DSCAML1: variants seen among roughly 807,000 people sequenced by gnomAD.
DSCAML1 encodes DS cell adhesion molecule like 1.
A neutral mutation model predicts 200.5 loss-of-function variants in DSCAML1; 38 were observed. That is an observed-to-expected ratio of 0.19 (90% confidence interval 0.15 to 0.25). The LOEUF (loss-of-function observed/expected upper bound fraction) is 0.25, where lower values mean the gene tolerates loss of function less well. Ranked by LOEUF, DSCAML1 falls within the 10% of genes least tolerant of loss-of-function variation. DSCAML1 has a pLI of 1.00. For missense variants in DSCAML1, 2,223 were observed against 2,858.8 expected (o/e 0.78, Z 5.07); for synonymous variants, 1,215 against 1,165.0 (o/e 1.04, Z -0.87).
intron 20 of DSCAML1, among the ~76,000 whole-genome samples, chr11:117,446,556 A>G (rs955622164): frequency 1.1e-4 from 16 of 152,380 alleles, no homozygotes; most frequent in African/African-American, 3.8e-4. Context: ...CAATTACCCA[A>G]AGAAGAAAAA....
rs1299342954 is a variant in DSCAML1, at chr11:117,449,113, A to T, written c.3708+1436T>A. On this transcript the variant is annotated intron_variant, in intron 20 of 32. Coordinates refer to ENST00000651296, the MANE Select transcript of DSCAML1 (RefSeq NM_020693.4). Reference sequence around the variant, plus strand: ...AATAATGTTGGGTAAAAGAAGCTGGACAAATGGTATGATTCCATTTACACA... The same window carrying T: ...AATAATGTTGGGTAAAAGAAGCTGGTCAAATGGTATGATTCCATTTACACA... Among the ~76,000 whole-genome samples the T allele has an allele frequency of 2.0e-5, 3 of 152,250 alleles. No individual in the cohort carries two copies. In the East Asian group the frequency reaches 5.8e-4, roughly 29 times the overall value.
rs576409283 is a variant in DSCAML1 at position 117,488,920 on chromosome 11, G to A, written c.2360-6758C>T. On this transcript the variant is annotated intron_variant, in intron 11 of 32. Coordinates refer to ENST00000651296, the MANE Select transcript of DSCAML1 (RefSeq NM_020693.4). ...CCTGTGTCTCAGTGTATTTCTTGACGAAGCTCCATGGCCTCCCGCATGCCC... is the reference window on the plus strand; with the variant it reads ...CCTGTGTCTCAGTGTATTTCTTGACAAAGCTCCATGGCCTCCCGCATGCCC... Among the ~76,000 whole-genome samples, 10 of 152,336 alleles carry A rather than the reference G, an allele frequency of 6.6e-5. No homozygotes were observed. The South Asian group carries it at 1.9e-3, about 28-fold the overall frequency.
At chr11:117,717,519 T>C (rs2137785549) in intron 3 of DSCAML1, among the ~76,000 whole-genome samples, 1 of 152,318 alleles carries the variant, frequency 6.6e-6, no homozygotes, top group Admixed American at 6.5e-5. Context: ...ATTGTGAGGC[T>C]CTTTGGGAGC....
chr11:117,673,916 C>T (rs901305683), intron 3 of DSCAML1, among the ~76,000 whole-genome samples: 2 of 152,242 alleles, frequency 1.3e-5, no homozygotes, highest in East Asian at 3.8e-4. Context: ...TCTGTGCACA[C>T]GTGCAGGCTG....
chr11:117,789,822 A>T (rs969870213), intron 1 of DSCAML1, among the ~76,000 whole-genome samples: 2 of 152,148 alleles, frequency 1.3e-5, no homozygotes, highest in Non-Finnish European at 2.9e-5. Context: ...CATTCTAAGG[A>T]TGAGCTCTGT....
chr11:117,677,373 C>T (rs982079110), intron 3 of DSCAML1, among the ~76,000 whole-genome samples: 4 of 152,150 alleles, frequency 2.6e-5, no homozygotes, highest in African/African-American at 9.7e-5. Context: ...TGGAATGAGG[C>T]TCTTTTTGAA....
chr11:117,614,974 A>G, intron 3 of DSCAML1, among the ~76,000 whole-genome samples: 1 of 152,210 alleles, frequency 6.6e-6, no homozygotes, highest in East Asian at 1.9e-4. Context: ...ATGCCAATAG[A>G]TAATCAGAGG....
chr11:117,794,766 G>A (rs1176168937), intron 1 of DSCAML1, among the ~76,000 whole-genome samples: 1 of 150,618 alleles, frequency 6.6e-6, no homozygotes, highest in East Asian at 2.0e-4. Context: ...CCCCTACCAC[G>A]CCACCCCAAG....
intron 1 of DSCAML1, among the ~76,000 whole-genome samples, chr11:117,791,265 G>GA (rs1850732483): frequency 4.6e-5 from 7 of 152,232 alleles, no homozygotes; most frequent in Admixed American, 4.6e-4. Flanking sequence ...ATGGAAGGAA[G>GA]AGCAGTCCCA....
At chr11:117,506,548 T>A (rs910657271) in intron 8 of DSCAML1, among the ~76,000 whole-genome samples, 3 of 71,930 alleles carry the variant, frequency 4.2e-5, no homozygotes, top group South Asian at 9.7e-4. Flanking sequence ...AAGAGATAAC[T>A]TTTTTTTTTT....
chr11:117,809,030 C>A lies in DSCAML1; in HGVS notation c.-250+8360G>T, dbSNP rs61342713. ...CACGCCCACGCCTGTCTACCCTGCT[C>A]TAGCAGCTCCGTCACTGCCCCGCCC... is the stretch of plus-strand genomic sequence containing the variant. On this transcript the variant is annotated intron_variant, in intron 1 of 2. Transcript: ENST00000525836. Among the ~76,000 whole-genome samples, 737 of 152,360 alleles carry A rather than the reference C, an allele frequency of 4.8e-3. 1 individual carries two copies. The highest frequency in any genetic ancestry group is 0.016 in the African/African-American group (654 of 41,580).
chr11:117,654,813 G>A (rs1297652818), intron 3 of DSCAML1, among the ~76,000 whole-genome samples: 8 of 152,154 alleles, frequency 5.3e-5, no homozygotes, highest in South Asian at 2.1e-4. Context: ...TATCTGCGGC[G>A]TGGAGGGCAC....
At chr11:117,596,218 A>G (rs547716741) in intron 3 of DSCAML1, among the ~76,000 whole-genome samples, 7 of 152,312 alleles carry the variant, frequency 4.6e-5, no homozygotes, top group Admixed American at 4.6e-4. Flanking sequence ...ATGACTCCCC[A>G]GAGTCATAAA....
intron 3 of DSCAML1, among the ~76,000 whole-genome samples, chr11:117,768,622 T>A (rs1174827999): frequency 1.3e-5 from 2 of 152,216 alleles, no homozygotes; most frequent in Non-Finnish European, 1.5e-5. Context: ...GTGACTCCTT[T>A]CCCATCTAAG....
intron 3 of DSCAML1, among the ~76,000 whole-genome samples, chr11:117,708,297 G>T (rs1211585088): frequency 6.6e-6 from 1 of 152,174 alleles, no homozygotes; most frequent in Non-Finnish European, 1.5e-5. Context: ...TGGACCACCT[G>T]CAATGACTGG....
chr11:117,619,455 G>A (rs902357640), intron 3 of DSCAML1, among the ~76,000 whole-genome samples: 1 of 152,234 alleles, frequency 6.6e-6, no homozygotes, highest in African/African-American at 2.4e-5. Flanking sequence ...AGGCTGGAGG[G>A]TCTATACTTG....
chr11:117,685,529 C>A (rs1191002964), intron 3 of DSCAML1, among the ~76,000 whole-genome samples: 1 of 152,162 alleles, frequency 6.6e-6, no homozygotes, highest in Non-Finnish European at 1.5e-5. Flanking sequence ...GGTCCCAGCA[C>A]CCCTAGGTAA....
At chr11:117,761,598 C>A (rs948892010) in intron 3 of DSCAML1, among the ~76,000 whole-genome samples, 1 of 152,112 alleles carries the variant, frequency 6.6e-6, no homozygotes, top group Non-Finnish European at 1.5e-5. Context: ...TGGCTGGGCA[C>A]GGTGGCTCAT....
chr11:117,695,996 A>G lies in DSCAML1; in HGVS notation c.511+80795T>C, dbSNP rs74429057. 8.5e-4 allele frequency among the ~76,000 whole-genome samples: 130 copies of G among 152,370 alleles called. No homozygotes were observed. In the East Asian group the frequency reaches 0.023, roughly 28 times the overall value. The stretch of plus-strand genomic sequence containing the variant: ...ATTTGGAGGTTTAGTGAAAAGGGCC[A>G]TTGGAGAAGTGGAGGGATCACTGGA... On this transcript the variant is annotated intron_variant, in intron 3 of 32. Coordinates refer to ENST00000651296, the MANE Select transcript of DSCAML1 (RefSeq NM_020693.4).
Sources: allele counts gnomAD v4.1 joint callset (sites outside exome capture counted in the v4.1 genomes callset), GRCh38; gene constraint gnomAD v4.1.1; transcripts MANE v1.5; gene names NCBI Gene and HGNC (gene_info 2026-07-23, HGNC 2026-07-21).